RAPGEF5: variants seen among roughly 807,000 people sequenced by gnomAD.
RAPGEF5 encodes Rap guanine nucleotide exchange factor 5.
RAPGEF5 carries 65 observed loss-of-function variants against 125.2 expected under a neutral mutation model. The observed-to-expected ratio is 0.52, with a 90% CI of 0.43 to 0.64. The LOEUF is 0.64. RAPGEF5 is among the 30% of genes least tolerant of loss of function. The pLI is 0.00. For synonymous variants in RAPGEF5, 391 were observed against 385.9 expected, an observed-to-expected ratio of 1.01 and a Z score of -0.16; for missense variants, 958 against 1,048.1, an observed-to-expected ratio of 0.91 and a Z score of 1.19.
At chr7:22,329,193 G>T (rs2128157317) in intron 1 of RAPGEF5, among the ~76,000 whole-genome samples, 1 of 152,310 alleles carries the variant, frequency 6.6e-6, no homozygotes, top group South Asian at 2.1e-4. Flanking sequence ...CAATCTGCAT[G>T]AAATTAGGTA....
At chr7:22,288,966 C>A (rs1308731424) in intron 6 of RAPGEF5, among the ~76,000 whole-genome samples, 1 of 152,136 alleles carries the variant, frequency 6.6e-6, no homozygotes, top group South Asian at 2.1e-4. Flanking sequence ...GGTGGGTCTA[C>A]TTACATTTTT....
intron 9 of RAPGEF5, among the ~76,000 whole-genome samples, chr7:22,212,133 C>T (rs1400008433): frequency 6.6e-6 from 1 of 152,112 alleles, no homozygotes; most frequent in Non-Finnish European, 1.5e-5. Flanking sequence ...GCCAGCATGC[C>T]TGGCTAATTT....
intron 1 of RAPGEF5, among the ~76,000 whole-genome samples, chr7:22,325,482 T>C (rs987794357): frequency 2.6e-5 from 4 of 152,170 alleles, no homozygotes; most frequent in African/African-American, 9.7e-5. Context: ...CTGCCTTAAG[T>C]GGTCATGCAT....
intron 5 of RAPGEF5, among the ~76,000 whole-genome samples, chr7:22,297,894 A>T (rs1783101507): frequency 6.6e-6 from 1 of 152,174 alleles, no homozygotes; most frequent in Admixed American, 6.5e-5. Context: ...TGGGTTTTGT[A>T]TAAAGTCTTA....
chr7:22,136,588 A>T (rs1433087093), intron 22 of RAPGEF5, among the ~76,000 whole-genome samples: 4 of 152,180 alleles, frequency 2.6e-5, no homozygotes, highest in Non-Finnish European at 5.9e-5. Flanking sequence ...AAGAAATTGT[A>T]AAAAGGAGAA....
At chr7:22,341,621 A>T (rs988437412) in intron 1 of RAPGEF5, among the ~76,000 whole-genome samples, 3 of 152,244 alleles carry the variant, frequency 2.0e-5, no homozygotes, top group Admixed American at 2.0e-4. Flanking sequence ...GAAGGCATTG[A>T]GTAAATACAG....
At chr7:22,294,777 T>C (rs570841094) in intron 5 of RAPGEF5, among the ~76,000 whole-genome samples, 84 of 152,282 alleles carry the variant, frequency 5.5e-4, no homozygotes, top group Middle Eastern at 3.4e-3. Context: ...AGCCACAACA[T>C]CTCTCACCTG....
chr7:22,169,468 G>A (rs1784274192), intron 11 of RAPGEF5, among the ~76,000 whole-genome samples: 1 of 152,108 alleles, frequency 6.6e-6, no homozygotes, highest in Non-Finnish European at 1.5e-5. Context: ...ATTCCTCTGG[G>A]CCTGTTGAAG....
chr7:22,199,404 G>C (rs1380096268), intron 9 of RAPGEF5, among the ~76,000 whole-genome samples: 2 of 152,128 alleles, frequency 1.3e-5, no homozygotes, highest in African/African-American at 4.8e-5. Flanking sequence ...TGCAGGTTAA[G>C]GCTGGTGGAG....
intron 20 of RAPGEF5, among the ~76,000 whole-genome samples, chr7:22,142,717 A>G (rs543756330): frequency 1.3e-5 from 2 of 152,368 alleles, no homozygotes; most frequent in South Asian, 2.1e-4. Context: ...ATTCCAGTTC[A>G]GCAAACACTC....
intron 1 of RAPGEF5, among the ~76,000 whole-genome samples, chr7:22,318,595 T>C (rs1414293324): frequency 2.0e-5 from 3 of 152,156 alleles, no homozygotes; most frequent in Non-Finnish European, 4.4e-5. Flanking sequence ...AGTATTCTCT[T>C]TCCAACTCCC....
At chr7:22,241,977 C>A (rs1449709218) in intron 7 of RAPGEF5, among the ~76,000 whole-genome samples, 1 of 152,092 alleles carries the variant, frequency 6.6e-6, no homozygotes, top group East Asian at 1.9e-4. Context: ...GTTGCAGGCT[C>A]CTCCCCTAAA....
chr7:22,220,005 G>C lies in RAPGEF5; in HGVS notation c.871-14C>G. ...CATCACCCCTGCCTTAAGAGTTGGA[G>C]AAAAAGCGAAGATATACTTAAAACC... On this transcript the variant is annotated splice_polypyrimidine_tract_variant and intron_variant, in intron 8 of 25. Coordinates refer to ENST00000665637, the MANE Select transcript of RAPGEF5 (RefSeq NM_012294.5). 1.2e-6 allele frequency: 2 copies of C among 1,612,642 alleles called. No homozygotes were observed. The highest frequency in any genetic ancestry group is 1.1e-5 in the South Asian group (1 of 90,888).
chr7:22,189,714 G>T (rs1372887509), intron 11 of RAPGEF5, among the ~76,000 whole-genome samples: 2 of 152,030 alleles, frequency 1.3e-5, no homozygotes, highest in East Asian at 3.8e-4. Flanking sequence ...CACTGTCCAG[G>T]TTCACAAATA....
chr7:22,165,934 G>C (rs1371046660), intron 12 of RAPGEF5, among the ~76,000 whole-genome samples: 1 of 151,404 alleles, frequency 6.6e-6, no homozygotes, highest in African/African-American at 2.4e-5. Context: ...TCCTCCCTCA[G>C]CATCTCATGT....
At chr7:22,239,309 T>C (rs1786265488) in intron 7 of RAPGEF5, among the ~76,000 whole-genome samples, 1 of 152,192 alleles carries the variant, frequency 6.6e-6, no homozygotes, top group South Asian at 2.1e-4. Flanking sequence ...CATGGTTCTA[T>C]AGAAAAAGAT....
Position 22,193,952 on chromosome 7 carries a change from G to C in RAPGEF5, c.1078C>G (p.Pro360Ala). 1 of 1,613,824 alleles carries C rather than the reference G, an allele frequency of 6.2e-7. No individual in the cohort carries two copies. Among genetic ancestry groups the C allele is most frequent in the Non-Finnish European group, 8.5e-7 (1 of 1,179,856 alleles). Reference sequence around the variant, plus strand: ...TCCGCACTCCCAGCTGTGGGGGCTGGGCCACAGCACTGCACTTTCTTCAGC... The same window carrying C: ...TCCGCACTCCCAGCTGTGGGGGCTGCGCCACAGCACTGCACTTTCTTCAGC... ...LVLKKVQCCG[P>A]APTAGSAESH... The change falls in exon 10 of 26, where the codon CCA (proline) becomes GCA (alanine). Residue 360 changes from proline (P) to alanine (A), a missense_variant. Transcript: ENST00000665637.
At chr7:22,163,132 TG>T (rs1448453578) in intron 12 of RAPGEF5, among the ~76,000 whole-genome samples, 787 of 3,686 alleles carry the variant, frequency 0.21, 30 homozygotes, top group African/African-American at 0.34. Flanking sequence ...TAAAATAAAA[TG>T]AAAATTATTT....
intron 8 of RAPGEF5, among the ~76,000 whole-genome samples, chr7:22,228,794 C>A (rs918578745): frequency 6.6e-6 from 1 of 151,594 alleles, no homozygotes; most frequent in Non-Finnish European, 1.5e-5. Context: ...ATTACGGGTG[C>A]GAGCCACCAC....
Sources: allele counts gnomAD v4.1 joint callset (sites outside exome capture counted in the v4.1 genomes callset), GRCh38; gene constraint gnomAD v4.1.1; transcripts MANE v1.5; gene names NCBI Gene and HGNC (gene_info 2026-07-23, HGNC 2026-07-21).